SH3BGRL2: variants seen among roughly 807,000 people sequenced by gnomAD.
SH3BGRL2 encodes SH3 domain-binding glutamic acid-rich-like protein 2.
Under a neutral mutation model 14.8 loss-of-function variants are expected in SH3BGRL2, and 21 were observed. The ratio of observed to expected loss-of-function variants is 1.42; its 90% confidence interval spans 1.01 to 2.05. The LOEUF (loss-of-function observed/expected upper bound fraction) is 2.05. Ranked by LOEUF, SH3BGRL2 falls within the 30% of genes most tolerant of loss-of-function variation. The pLI, the probability that SH3BGRL2 is intolerant of heterozygous loss-of-function variation, is 0.00. For missense variants in SH3BGRL2, 147 were observed against 130.8 expected (o/e 1.12, Z -0.61); for synonymous variants, 50 against 47.8 (o/e 1.05, Z -0.19).
chr6:79,560,435 G>A, the SH3BGRL2 span, among the ~76,000 whole-genome samples: 2 of 152,106 alleles, frequency 1.3e-5, no homozygotes, highest in African/African-American at 4.8e-5. Flanking sequence ...CCAGGTACTA[G>A]GAAGCTGAAA....
chr6:79,680,437 A>G lies in SH3BGRL2; in HGVS notation c.231+6638A>G, dbSNP rs138513090. Among the ~76,000 whole-genome samples, 1,332 of 152,282 alleles carry G rather than the reference A, an allele frequency of 8.7e-3. 16 individuals are homozygous for G. The highest frequency in any genetic ancestry group is 0.031 in the African/African-American group (1,268 of 41,554). Reference sequence around the variant, plus strand: ...TCTCTGTTCTGTGCTATTAGTCTATATGTCTGTCTCTAGGTAGAATCACAC... The same window carrying G: ...TCTCTGTTCTGTGCTATTAGTCTATGTGTCTGTCTCTAGGTAGAATCACAC... On this transcript the variant is annotated intron_variant, in intron 2 of 3. Transcript: ENST00000369838.
In SH3BGRL2 at chr6:79,702,363, A is replaced by C. The variant is rs1582745706; in HGVS notation, c.*2854A>C. The C allele has an allele frequency of 6.6e-6, 1 of 152,604 alleles. No homozygotes were observed. The highest frequency in any genetic ancestry group is 1.5e-5 in the Non-Finnish European group (1 of 68,030). The allele number at this position is 152,604 out of a possible 1,614,324, so 9.5% of individuals were successfully genotyped here. On this transcript the variant is annotated 3_prime_UTR_variant, in exon 4 of 4. Coordinates refer to ENST00000369838, the MANE Select transcript of SH3BGRL2 (RefSeq NM_031469.4). ...TTTTTCTAGAGATACTTTTCATTTA[A>C]CAGCTTTTGTTAAGTGTCAGGCTGC...
intron 1 of SH3BGRL2, among the ~76,000 whole-genome samples, chr6:79,655,104 A>T: frequency 6.6e-6 from 1 of 152,140 alleles, no homozygotes; most frequent in East Asian, 1.9e-4. Context: ...TTTAGCACCC[A>T]GTCTAGAATG....
chr6:79,675,680 A>G (rs1421639450), intron 2 of SH3BGRL2, among the ~76,000 whole-genome samples: 2 of 152,136 alleles, frequency 1.3e-5, no homozygotes. Context: ...CTGAAAAAGA[A>G]CAAAATCCTT....
At chr6:79,604,539 C>T in the SH3BGRL2 span, among the ~76,000 whole-genome samples, 31 of 152,240 alleles carry the variant, frequency 2.0e-4, no homozygotes, top group Non-Finnish European at 4.1e-4. Context: ...TGCCAGAAGA[C>T]TGCATGGACT....
At chr6:79,576,686 A>G in the SH3BGRL2 span, among the ~76,000 whole-genome samples, 1 of 152,198 alleles carries the variant, frequency 6.6e-6, no homozygotes, top group African/African-American at 2.4e-5. Flanking sequence ...TAAAATGCAC[A>G]CGTCGATAAG....
chr6:79,676,633 GTGTGTGTATATA>G (rs1269079812), intron 2 of SH3BGRL2, among the ~76,000 whole-genome samples: 1 of 129,978 alleles, frequency 7.7e-6, no homozygotes, highest in African/African-American at 2.7e-5. Flanking sequence ...GTGTGTGTGT[GTGTGTGTATATA>G]TATATAATCT....
intron 2 of SH3BGRL2, among the ~76,000 whole-genome samples, chr6:79,690,142 C>A (rs772896404): frequency 6.6e-6 from 1 of 152,104 alleles, no homozygotes; most frequent in Non-Finnish European, 1.5e-5. Flanking sequence ...CAGGCACATG[C>A]TGCCATCCCT....
the SH3BGRL2 span, among the ~76,000 whole-genome samples, chr6:79,579,312 C>T: frequency 1.4e-3 from 218 of 152,264 alleles, no homozygotes; most frequent in African/African-American, 5.1e-3. Flanking sequence ...CACAAAGATA[C>T]TCCTTGAGAA....
chr6:79,570,860 A>G, the SH3BGRL2 span, among the ~76,000 whole-genome samples: 1 of 152,232 alleles, frequency 6.6e-6, no homozygotes, highest in Non-Finnish European at 1.5e-5. Context: ...TTTTATTTGC[A>G]TAACTGCTTT....
At chr6:79,606,187 G>C in the SH3BGRL2 span, among the ~76,000 whole-genome samples, 1 of 152,064 alleles carries the variant, frequency 6.6e-6, no homozygotes, top group South Asian at 2.1e-4. Flanking sequence ...GGTGGGAATT[G>C]CAAGGCATCC....
At chr6:79,541,350 T>TA in the SH3BGRL2 span, among the ~76,000 whole-genome samples, 32 of 151,602 alleles carry the variant, frequency 2.1e-4, no homozygotes, top group African/African-American at 6.3e-4. Flanking sequence ...CTGAATGGCT[T>TA]AAAAAAAAAG....
chr6:79,698,731 A>G (rs897725175), intron 3 of SH3BGRL2, among the ~76,000 whole-genome samples: 1 of 150,728 alleles, frequency 6.6e-6, no homozygotes, highest in Admixed American at 6.6e-5. Flanking sequence ...ATTAGATGGT[A>G]TGGAATCCCT....
the SH3BGRL2 span, among the ~76,000 whole-genome samples, chr6:79,540,383 C>T: frequency 7.3e-5 from 11 of 151,720 alleles, no homozygotes; most frequent in East Asian, 1.2e-3. Flanking sequence ...TGCAGTGAGC[C>T]GAGATCGCGC....
intron 1 of SH3BGRL2, among the ~76,000 whole-genome samples, chr6:79,665,862 G>A (rs1769650187): frequency 6.6e-6 from 1 of 152,128 alleles, no homozygotes. Context: ...TCAGTCTTTT[G>A]TAAGTCAGCC....
At chr6:79,632,263 A>G (rs1768840109) in intron 1 of SH3BGRL2, among the ~76,000 whole-genome samples, 1 of 152,094 alleles carries the variant, frequency 6.6e-6, no homozygotes, top group African/African-American at 2.4e-5. Flanking sequence ...TTAGAGAAAA[A>G]AAATTTTTTT....
chr6:79,638,155 T>C (rs1582712791), intron 1 of SH3BGRL2, among the ~76,000 whole-genome samples: 1 of 152,212 alleles, frequency 6.6e-6, no homozygotes, highest in East Asian at 1.9e-4. Flanking sequence ...TCTGGAAATA[T>C]CTTACAATGC....
the SH3BGRL2 span, among the ~76,000 whole-genome samples, chr6:79,538,018 GTTTT>G: frequency 3.4e-3 from 152 of 44,100 alleles, no homozygotes; most frequent in Middle Eastern, 0.033. Flanking sequence ...TTGCACACAA[GTTTT>G]TTTTTTTTTT....
the SH3BGRL2 span, among the ~76,000 whole-genome samples, chr6:79,538,018 GTTTTTTTTTTTTTTTTTT>G: frequency 5.0e-4 from 22 of 44,164 alleles, no homozygotes; most frequent in Admixed American, 1.9e-3. Context: ...TTGCACACAA[GTTTTTTTTTTTTTTTTTT>G]TTTTTTTTTT....
Sources: allele counts gnomAD v4.1 joint callset (sites outside exome capture counted in the v4.1 genomes callset), GRCh38; gene constraint gnomAD v4.1.1; transcripts MANE v1.5; gene names NCBI Gene and HGNC (gene_info 2026-07-23, HGNC 2026-07-21).